The following EPG5 variants were observed in gnomAD, a reference collection of about 807,000 sequenced individuals.
EPG5 encodes ectopic P granules protein 5 homolog.
A neutral mutation model predicts 302.7 loss-of-function variants in EPG5; 159 were observed. That is an observed-to-expected ratio of 0.53 (90% CI 0.46 to 0.60). The LOEUF (loss-of-function observed/expected upper bound fraction) is 0.60, where lower values mean the gene tolerates loss of function less well. Among genes scored for constraint, EPG5 ranks in the 20% least tolerant of loss-of-function variants. The probability of loss-of-function intolerance (pLI) is 0.00; values close to 1 mark genes in which losing one functional copy is unlikely to be tolerated. For missense variants in EPG5, 2,896 were observed against 3,092.4 expected (o/e 0.94, Z 1.51); for synonymous variants, 1,158 against 1,136.8 (o/e 1.02, Z -0.37).
chr18:45,910,266 G>A (rs991099023), intron 23 of EPG5, among the ~76,000 whole-genome samples: 7 of 152,048 alleles, frequency 4.6e-5, no homozygotes, highest in Non-Finnish European at 8.8e-5. Flanking sequence ...CTATTTTTAC[G>A]TAAAGAAGTA....
In EPG5 at chr18:45,878,872, C is replaced by A. The variant is rs191314440; in HGVS notation, c.5869+141G>T. ...TTCATATATTGTGACATATATGACA[C>A]ATATATGGGCTCATGCCTGTTCTAT... On this transcript the variant is annotated intron_variant, in intron 33 of 43. Transcript: ENST00000282041. 78 of 653,556 alleles carry A rather than the reference C, an allele frequency of 1.2e-4. No homozygotes were observed. In the East Asian group the frequency reaches 2.1e-3, roughly 17 times the overall value. The allele number at this position is 653,556 out of a possible 1,614,324, so 40.5% of individuals were successfully genotyped here.
Position 45,865,760 on chromosome 18 carries a change from C to G in EPG5, c.6622-1G>C, listed in dbSNP as rs527687209. 1.3e-6 allele frequency: 2 copies of G among 1,543,852 alleles called. No homozygotes were observed. Among genetic ancestry groups the G allele is most frequent in the East Asian group, 4.5e-5 (2 of 44,172 alleles). On this transcript the variant is annotated splice_acceptor_variant, in intron 38 of 43. Transcript: ENST00000282041. LOFTEE classifies it high-confidence loss of function. ...AAGCTTGGCATTTTGGAACTGCATC[C>G]TGACCAAAAAAAAAAAAAAAAATCA...
intron 1 of EPG5, 63 bp from the exon 2 acceptor site, chr18:45,955,401 A>C: frequency 8.4e-7 from 1 of 1,186,536 alleles, no homozygotes; most frequent in Non-Finnish European, 1.2e-6. Flanking sequence ...CAGCAGGAGG[A>C]ATTTTAAAGT....
chr18:45,803,718 T>C, the EPG5 span, among the ~76,000 whole-genome samples: 1 of 151,930 alleles, frequency 6.6e-6, no homozygotes, highest in South Asian at 2.1e-4. Flanking sequence ...AAGCACCCTA[T>C]CTAAGGGTGA....
Position 45,880,108 on chromosome 18 carries a change from G to T in EPG5, c.5634C>A (p.Pro1878=), listed in dbSNP as rs768384188. 1 of 1,609,722 alleles carries T rather than the reference G, an allele frequency of 6.2e-7. No individual in the cohort carries two copies. The highest frequency in any genetic ancestry group is 1.1e-5 in the South Asian group (1 of 90,814). The change falls in exon 32 of 44, where the codon CCC becomes CCA. Residue 1878 remains proline, a synonymous_variant. Coordinates refer to ENST00000282041, the MANE Select transcript of EPG5 (RefSeq NM_020964.3). ...GAASTEGAVL[P]SSSDALLSDK... is the part of the protein sequence containing the mutation. ...CTGACAAGAGAGCATCAGAAGAGCT[G>T]GGAAGCACGGCGCCCTCGGTGGACG...
intron 27 of EPG5, among the ~76,000 whole-genome samples, chr18:45,899,196 C>T (rs528385805): frequency 6.6e-6 from 1 of 151,960 alleles, no homozygotes; most frequent in East Asian, 1.9e-4. Flanking sequence ...TTTTTTAATT[C>T]CTATTTGAAT....
chr18:45,870,051 C>T (rs1216819774), intron 36 of EPG5, among the ~76,000 whole-genome samples: 1 of 152,122 alleles, frequency 6.6e-6, no homozygotes, highest in Non-Finnish European at 1.5e-5. Flanking sequence ...CTCGCATGCA[C>T]TCTCTTTTTT....
At chr18:45,835,299 G>A in the EPG5 span, among the ~76,000 whole-genome samples, 1 of 152,176 alleles carries the variant, frequency 6.6e-6, no homozygotes, top group African/African-American at 2.4e-5. Flanking sequence ...TCTCAGAGAT[G>A]GGCATGTGCA....
chr18:45,805,559 G>T, the EPG5 span, among the ~76,000 whole-genome samples: 1 of 151,568 alleles, frequency 6.6e-6, no homozygotes, highest in African/African-American at 2.4e-5. Flanking sequence ...TTTCCAATTA[G>T]CTAAAAAAAA....
chr18:45,950,001 T>C (rs1175648329), intron 4 of EPG5, among the ~76,000 whole-genome samples: 3 of 152,138 alleles, frequency 2.0e-5, no homozygotes, highest in African/African-American at 7.2e-5. Context: ...ACTGAAAACA[T>C]AACCAATAAA....
chr18:45,841,741 C>T, the EPG5 span, among the ~76,000 whole-genome samples: 2 of 152,124 alleles, frequency 1.3e-5, no homozygotes, highest in Admixed American at 6.5e-5. Context: ...GAGGGTCATG[C>T]GTAGCACAGT....
Position 45,866,903 on chromosome 18 carries a change from G to A in EPG5, c.6516C>T (p.Tyr2172=), listed in dbSNP as rs114665741. 4,642 of 1,613,970 alleles carry A rather than the reference G, an allele frequency of 2.9e-3. 39 individuals are homozygous for A. Among genetic ancestry groups the A allele is most frequent in the African/African-American group, 0.026 (1,947 of 75,034 alleles). The change falls in exon 38 of 44, where the codon TAC becomes TAT. Residue 2172 remains tyrosine (Y), a synonymous_variant. Coordinates refer to ENST00000282041, the MANE Select transcript of EPG5 (RefSeq NM_020964.3). ...QSVLSYFSSH[Y]PPSIILAKES... ...CTTTTGCCAGGATGATGGACGGCGG[G>A]TAATGGCTGCTGAAATAACTTAGCA...
At chr18:45,959,429 G>C (rs963954460) in intron 1 of EPG5, among the ~76,000 whole-genome samples, 2 of 151,884 alleles carry the variant, frequency 1.3e-5, no homozygotes, top group Admixed American at 1.3e-4. Flanking sequence ...GGTGGATTAC[G>C]AGGTCAGGAG....
At position 45,907,992 on chromosome 18, in the gene EPG5, A is replaced by C. The variant is rs772155087; in HGVS notation, c.4295T>G (p.Ile1432Ser). The stretch of plus-strand genomic sequence containing the variant: ...CTGCATCACTTTTGCTAGCCTGTGA[A>C]TATCATAATGCTTTGGTAGAGAAGG... ...YIPSLPKHYDIHRLAKVMQNQ... is the reference protein window; with the variant it reads ...YIPSLPKHYDSHRLAKVMQNQ... Residue 1432 changes from isoleucine (I) to serine (S), a missense_variant, in exon 24 of 44, where the codon ATT becomes AGT. Ile to Ser is a moderately radical substitution (Grantham distance 142). This residue lies in a region of EPG5 where 790 missense variants were observed against 798.0 expected (regional missense o/e 0.99). Transcript: ENST00000282041. The C allele has an allele frequency of 1.9e-6, 3 of 1,591,956 alleles. No homozygotes were observed. The highest frequency in any genetic ancestry group is 1.2e-5 in the South Asian group (1 of 85,422).
chr18:45,954,294 G>C, intron 2 of EPG5, 100 bp downstream of exon 2: 1 of 1,089,260 alleles, frequency 9.2e-7, no homozygotes. Context: ...TCTAGGCTGA[G>C]GCAGGGTCAG....
At position 45,866,908 on chromosome 18, in the gene EPG5, GGC is replaced by G; in HGVS notation, c.6509_6510del (p.Ser2170ThrfsTer15). On this transcript the variant is annotated frameshift_variant, in exon 38 of 44. Coordinates refer to ENST00000282041, the MANE Select transcript of EPG5 (RefSeq NM_020964.3). LOFTEE classifies it high-confidence loss of function. ...GCCAGGATGATGGACGGCGGGTAATGGCTGCTGAAATAACTTAGCACACTCTG... is the reference window on the plus strand; with the variant it reads ...GCCAGGATGATGGACGGCGGGTAATGTGCTGAAATAACTTAGCACACTCTG... ...SYQSVLSYFS[S>X]HYPPSIILAK... 1 of 1,614,036 alleles carries G rather than the reference GGC, an allele frequency of 6.2e-7. No homozygotes were observed. Among genetic ancestry groups the G allele is most frequent in the Non-Finnish European group, 8.5e-7 (1 of 1,179,910 alleles).
chr18:45,932,822 C>T (rs2050425261), intron 11 of EPG5, among the ~76,000 whole-genome samples: 1 of 152,058 alleles, frequency 6.6e-6, no homozygotes, highest in South Asian at 2.1e-4. Flanking sequence ...ATAAAAGTGC[C>T]GTGGAAGCCT....
chr18:45,845,427 G>A (rs887904331), downstream of EPG5, among the ~76,000 whole-genome samples: 13 of 152,292 alleles, frequency 8.5e-5, no homozygotes, highest in African/African-American at 2.9e-4. Context: ...AGGGTCAGAG[G>A]GGAGGGTGGT....
chr18:45,960,740 G>C (rs1165119973), intron 1 of EPG5, among the ~76,000 whole-genome samples: 1 of 151,950 alleles, frequency 6.6e-6, no homozygotes, highest in Non-Finnish European at 1.5e-5. Context: ...TTCATTTCTG[G>C]GTTGTACACT....
Sources: allele counts gnomAD v4.1 joint callset (sites outside exome capture counted in the v4.1 genomes callset), GRCh38; gene constraint gnomAD v4.1.1; regional missense constraint gnomAD v4.1.1; transcripts MANE v1.5; gene names NCBI Gene and HGNC (gene_info 2026-07-23, HGNC 2026-07-21).